DLG2: variants seen among roughly 807,000 people sequenced by gnomAD.
DLG2 encodes discs large MAGUK scaffold protein 2, also known as disks large homolog 2.
A neutral mutation model predicts 132.5 loss-of-function variants in DLG2; 45 were observed. The observed-to-expected ratio is 0.34, with a 90% CI of 0.27 to 0.44. DLG2 has a LOEUF of 0.44. DLG2 is among the 20% of genes least tolerant of loss of function. DLG2 has a pLI of 1.00. For synonymous variants in DLG2, 424 were observed against 419.6 expected (o/e 1.01, Z -0.13); for missense variants, 1,045 against 1,196.9 (o/e 0.87, Z 1.87).
chr11:84,617,957 G>T (rs1218863222), intron 6 of DLG2, among the ~76,000 whole-genome samples: 1 of 152,080 alleles, frequency 6.6e-6, no homozygotes, highest in South Asian at 2.1e-4. Context: ...ACAGGTATGT[G>T]TAGGTAGTTA....
intron 3 of DLG2, among the ~76,000 whole-genome samples, chr11:85,412,624 T>G (rs1248325686): frequency 6.6e-6 from 1 of 151,304 alleles, no homozygotes; most frequent in Non-Finnish European, 1.5e-5. Context: ...TGATGTTTGG[T>G]TTTTCATTCT....
At position 83,910,206 on chromosome 11, in the gene DLG2, T is replaced by G. The variant is rs202030659; in HGVS notation, c.1496+20122A>C. On this transcript the variant is annotated intron_variant, in intron 15 of 27. Coordinates refer to ENST00000376104, the MANE Select transcript of DLG2 (RefSeq NM_001142699.3). ...GCTGCTGAGCTCTGTAATAGAGTAT[T>G]TGAGAAGTTAATGTGCATTGCAAAA... Among the ~76,000 whole-genome samples the G allele has an allele frequency of 2.6e-5, 4 of 152,070 alleles. No individual in the cohort carries two copies. The East Asian group carries it at 7.7e-4, about 29-fold the overall frequency.
At chr11:83,544,636 A>G (rs1487408625) in intron 19 of DLG2, among the ~76,000 whole-genome samples, 1 of 152,104 alleles carries the variant, frequency 6.6e-6, no homozygotes. Flanking sequence ...GATGATAACC[A>G]TGATGGCTAC....
chr11:84,710,520 G>A (rs1212874430), intron 6 of DLG2, among the ~76,000 whole-genome samples: 4 of 151,708 alleles, frequency 2.6e-5, no homozygotes, highest in South Asian at 4.1e-4. Flanking sequence ...TCTTATTTGA[G>A]AACTTATAAA....
At chr11:83,526,121 C>T (rs1395972985) in intron 21 of DLG2, among the ~76,000 whole-genome samples, 1 of 152,146 alleles carries the variant, frequency 6.6e-6, no homozygotes, top group Non-Finnish European at 1.5e-5. Flanking sequence ...GCTTCTGCCC[C>T]ATCCCCTCTC....
At chr11:83,858,716 G>T (rs2154043345) in intron 16 of DLG2, among the ~76,000 whole-genome samples, 1 of 152,306 alleles carries the variant, frequency 6.6e-6, no homozygotes, top group East Asian at 1.9e-4. Flanking sequence ...TAATGATAAT[G>T]ATATTTTCTT....
At chr11:84,892,922 A>T in intron 6 of DLG2, among the ~76,000 whole-genome samples, 1 of 152,138 alleles carries the variant, frequency 6.6e-6, no homozygotes, top group East Asian at 1.9e-4. Context: ...CCAGAGAATA[A>T]GGCAGGTTTT....
chr11:85,113,106 C>G (rs2073035239), intron 5 of DLG2, among the ~76,000 whole-genome samples: 1 of 151,972 alleles, frequency 6.6e-6, no homozygotes, highest in Non-Finnish European at 1.5e-5. Context: ...CATCAATCTC[C>G]ATGATCAATT....
Position 83,749,195 on chromosome 11 carries a change from G to T in DLG2, c.1825+37495C>A, listed in dbSNP as rs1393726203. 2.0e-5 allele frequency among the ~76,000 whole-genome samples: 3 copies of T among 152,180 alleles called. No individual in the cohort carries two copies. The East Asian group carries it at 5.8e-4, about 29-fold the overall frequency. On this transcript the variant is annotated intron_variant, in intron 18 of 27. Coordinates refer to ENST00000376104, the MANE Select transcript of DLG2 (RefSeq NM_001142699.3). ...AGATGGCAGTGATGATTAGCATGGA[G>T]AGCCATAGAATCAGGTCACAGTTGC...
chr11:85,244,163 T>C (rs1370162724), intron 4 of DLG2, among the ~76,000 whole-genome samples: 1 of 152,032 alleles, frequency 6.6e-6, no homozygotes, highest in Admixed American at 6.6e-5. Context: ...TAATCCAATA[T>C]AGATGCCTAC....
chr11:84,532,514 T>A (rs544012803), intron 7 of DLG2, among the ~76,000 whole-genome samples: 41 of 152,178 alleles, frequency 2.7e-4, no homozygotes, highest in Admixed American at 2.2e-3. Context: ...GGTTGTGGCA[T>A]GGACAGGGTC....
intron 4 of DLG2, among the ~76,000 whole-genome samples, chr11:85,225,027 G>T (rs2074890411): frequency 6.6e-6 from 1 of 151,442 alleles, no homozygotes; most frequent in African/African-American, 2.4e-5. Context: ...CCTCAAGCAG[G>T]TTTATCTTAG....
intron 7 of DLG2, among the ~76,000 whole-genome samples, chr11:84,424,332 G>C (rs779393151): frequency 4.1e-4 from 62 of 152,032 alleles, no homozygotes; most frequent in Non-Finnish European, 7.7e-4. Context: ...CCTACTACAG[G>C]TCAAAATCAG....
At chr11:84,117,871 T>C (rs372646856) in intron 9 of DLG2, among the ~76,000 whole-genome samples, 1 of 150,068 alleles carries the variant, frequency 6.7e-6, no homozygotes, top group African/African-American at 2.5e-5. Context: ...TTATTTATTT[T>C]TGAGACAGAG....
chr11:84,776,677 C>T (rs1430443584), intron 6 of DLG2, among the ~76,000 whole-genome samples: 1 of 152,068 alleles, frequency 6.6e-6, no homozygotes, highest in African/African-American at 2.4e-5. Context: ...TATTTTGAGT[C>T]TGGTTTGAGT....
chr11:83,730,930 T>C (rs571817761), intron 18 of DLG2, among the ~76,000 whole-genome samples: 1 of 152,284 alleles, frequency 6.6e-6, no homozygotes, highest in Admixed American at 6.5e-5. Flanking sequence ...AAGGGGGCCT[T>C]ACTAGGTCCC....
intron 7 of DLG2, among the ~76,000 whole-genome samples, chr11:84,313,692 A>AAAGAAAGAAAGAAAGAAAAAGT: frequency 6.6e-6 from 1 of 152,072 alleles, no homozygotes; most frequent in Non-Finnish European, 1.5e-5. Context: ...AAAGAAAAAG[A>AAAGAAAGAAAGAAAGAAAAAGT]AAGAGGATAC....
intron 15 of DLG2, among the ~76,000 whole-genome samples, chr11:83,905,939 G>T (rs2074601952): frequency 6.6e-6 from 1 of 151,780 alleles, no homozygotes; most frequent in Non-Finnish European, 1.5e-5. Context: ...CACTATAAAA[G>T]CTCACAAAAT....
intron 3 of DLG2, among the ~76,000 whole-genome samples, chr11:85,533,810 T>G (rs1222600949): frequency 2.0e-5 from 3 of 152,194 alleles, no homozygotes; most frequent in Non-Finnish European, 4.4e-5. Flanking sequence ...GGAATACTAA[T>G]GTAGCTGAGC....
Sources: gnomAD v4.1 joint callset for allele counts (sites outside exome capture counted in the v4.1 genomes callset) on GRCh38, gnomAD v4.1.1 for gene constraint, MANE v1.5 for transcripts, NCBI Gene and HGNC (gene_info 2026-07-23, HGNC 2026-07-21) for gene names.